The following SLX4IP variants were observed in gnomAD, a reference collection of about 807,000 sequenced individuals.
The protein encoded by SLX4IP is SLX4 interacting protein.
A neutral mutation model predicts 32.9 loss-of-function variants in SLX4IP; 34 were observed. The ratio of observed to expected loss-of-function variants is 1.03; its 90% CI spans 0.79 to 1.38. The LOEUF is 1.38. SLX4IP is among the 40% of genes most tolerant of loss of function. SLX4IP has a pLI of 0.00. For missense variants in SLX4IP, 444 were observed against 479.0 expected (o/e 0.93, Z 0.68); for synonymous variants, 172 against 171.7 (o/e 1.00, Z -0.01).
intron 4 of SLX4IP, among the ~76,000 whole-genome samples, chr20:10,566,436 G>A (rs183886097): frequency 3.9e-5 from 6 of 152,052 alleles, no homozygotes; most frequent in Middle Eastern, 3.4e-3. Context: ...CTTTCAGCCC[G>A]ATTCATTGTT....
rs1255728874 is a variant in SLX4IP, at chr20:10,544,285, T to C, written c.28-11946T>C. Among the ~76,000 whole-genome samples, 4 of 152,296 alleles carry C rather than the reference T, an allele frequency of 2.6e-5. No homozygotes were observed. In the Middle Eastern group the frequency reaches 0.014, roughly 518 times the overall value. On this transcript the variant is annotated intron_variant, in intron 2 of 7. Coordinates refer to ENST00000334534, the MANE Select transcript of SLX4IP (RefSeq NM_001009608.3). ...TCTTTTTCCCTTTGGATTTTCATCATCTTTATCATCCTAATTCAGAGGTGA... is the reference window on the plus strand; with the variant it reads ...TCTTTTTCCCTTTGGATTTTCATCACCTTTATCATCCTAATTCAGAGGTGA...
At chr20:10,497,914 G>A (rs1364074574) in intron 2 of SLX4IP, among the ~76,000 whole-genome samples, 1 of 151,536 alleles carries the variant, frequency 6.6e-6, no homozygotes, top group African/African-American at 2.4e-5. Flanking sequence ...TCTAAAAAAT[G>A]GCCTCTTCTC....
At chr20:10,567,015 G>A (rs1299890234) in intron 4 of SLX4IP, among the ~76,000 whole-genome samples, 1 of 152,208 alleles carries the variant, frequency 6.6e-6, no homozygotes, top group Non-Finnish European at 1.5e-5. Context: ...AGAGTTGGTG[G>A]CAAGGCTCAG....
chr20:10,545,303 A>G lies in SLX4IP; in HGVS notation c.28-10928A>G, dbSNP rs146036135. Among the ~76,000 whole-genome samples the G allele has an allele frequency of 2.7e-3, 411 of 152,270 alleles. 1 individual carries two copies. Among genetic ancestry groups the G allele is most frequent in the African/African-American group, 9.4e-3 (389 of 41,538 alleles). ...AGGTTCTGGTAACCCTGAGCCCTGA[A>G]ATAGTAGAAACTCCTCATTCTGAGG... On this transcript the variant is annotated intron_variant, in intron 2 of 7. Coordinates refer to ENST00000334534, the MANE Select transcript of SLX4IP (RefSeq NM_001009608.3).
At chr20:10,503,729 C>T (rs972029392) in intron 2 of SLX4IP, among the ~76,000 whole-genome samples, 12 of 152,150 alleles carry the variant, frequency 7.9e-5, no homozygotes, top group Non-Finnish European at 1.5e-5. Flanking sequence ...CAGGGCCATG[C>T]TTTCTCTCTG....
intron 2 of SLX4IP, among the ~76,000 whole-genome samples, chr20:10,503,547 A>G (rs913589867): frequency 6.6e-6 from 1 of 152,238 alleles, no homozygotes; most frequent in Non-Finnish European, 1.5e-5. Flanking sequence ...GAAAGGCATC[A>G]TCTCTGTTCA....
chr20:10,606,476 T>G (rs904521787), intron 6 of SLX4IP, among the ~76,000 whole-genome samples: 2 of 152,220 alleles, frequency 1.3e-5, no homozygotes, highest in Non-Finnish European at 2.9e-5. Context: ...AAATTTATTT[T>G]TCTTATTTCT....
rs967358891 is a variant in SLX4IP at position 10,614,107 on chromosome 20, C to A, written c.406-7207C>A. ...CGGTCCAGGTGTACCTGCAGGGACA[C>A]CTTGTGGTAGCCTCGTCGGACCTCG... On this transcript the variant is annotated intron_variant, in intron 6 of 7. Transcript: ENST00000334534. 4.6e-5 allele frequency: 71 copies of A among 1,528,124 alleles called. No homozygotes were observed. In the African/African-American group the frequency reaches 8.5e-4, roughly 18 times the overall value. The allele number at this position is 1,528,124 out of a possible 1,614,324, so 94.7% of individuals were successfully genotyped here.
At chr20:10,572,327 G>GT (rs1003683081) in intron 4 of SLX4IP, among the ~76,000 whole-genome samples, 3 of 152,088 alleles carry the variant, frequency 2.0e-5, no homozygotes, top group Non-Finnish European at 4.4e-5. Flanking sequence ...TGTTTATGTG[G>GT]TTTTTTTAAA....
At chr20:10,521,679 C>T (rs1429550068) in intron 2 of SLX4IP, among the ~76,000 whole-genome samples, 2 of 152,180 alleles carry the variant, frequency 1.3e-5, no homozygotes, top group African/African-American at 4.8e-5. Flanking sequence ...CACCAGGAAA[C>T]CAAGAAGGCC....
At chr20:10,528,527 G>A (rs1463433065) in intron 2 of SLX4IP, among the ~76,000 whole-genome samples, 1 of 152,132 alleles carries the variant, frequency 6.6e-6, no homozygotes, top group South Asian at 2.1e-4. Context: ...AAAGGCTTGT[G>A]GAAGTTAAGC....
chr20:10,587,237 C>T (rs965930011), intron 4 of SLX4IP, among the ~76,000 whole-genome samples: 5 of 151,502 alleles, frequency 3.3e-5, no homozygotes, highest in Non-Finnish European at 7.4e-5. Flanking sequence ...GTAATATTTA[C>T]AACATTAATA....
chr20:10,573,054 G>A (rs960969947), intron 4 of SLX4IP, among the ~76,000 whole-genome samples: 1 of 152,170 alleles, frequency 6.6e-6, no homozygotes, highest in Non-Finnish European at 1.5e-5. Context: ...AACACCCGAT[G>A]CATGATACCT....
chr20:10,553,031 A>T (rs973199025), intron 2 of SLX4IP, among the ~76,000 whole-genome samples: 10 of 152,142 alleles, frequency 6.6e-5, no homozygotes, highest in African/African-American at 2.4e-4. Flanking sequence ...AATCCTTGGA[A>T]CTTCAATGGG....
Position 10,623,201 on chromosome 20 carries a change from T to C in SLX4IP, c.1049T>C (p.Leu350Ser). ...CCAGGGTTACTTTTGAAACAAGATT[T>C]GGCAAAAACCACGTCTAAGGAAGAG... ...SDPGLLLKQD[L>S]AKTTSKEELH... Residue 350 changes from leucine to serine, a missense_variant, in exon 8 of 8, where the codon TTG (leucine) becomes TCG (serine). Leu to Ser is a moderately radical substitution (Grantham distance 145). Coordinates refer to ENST00000334534, the MANE Select transcript of SLX4IP (RefSeq NM_001009608.3). 2 of 1,614,218 alleles carry C rather than the reference T, an allele frequency of 1.2e-6. No homozygotes were observed. The highest frequency in any genetic ancestry group is 2.2e-5 in the South Asian group (2 of 91,090).
At chr20:10,495,004 C>A (rs889783292) in intron 2 of SLX4IP, among the ~76,000 whole-genome samples, 16 of 152,076 alleles carry the variant, frequency 1.1e-4, no homozygotes, top group African/African-American at 3.9e-4. Context: ...CAAAAAAAGA[C>A]AAGTGAGATG....
Position 10,472,891 on chromosome 20 carries a change from A to C in SLX4IP, c.27+14660A>C, listed in dbSNP as rs73262005. Among the ~76,000 whole-genome samples, 1,141 of 152,300 alleles carry C rather than the reference A, an allele frequency of 7.5e-3. 22 individuals carry two copies. Among genetic ancestry groups the C allele is most frequent in the African/African-American group, 0.025 (1,038 of 41,556 alleles). ...TTTTTGTTTTGTTTTGTTTCATTCA[A>C]GTATAAAAATGTTTAGGTGTTTAAT... On this transcript the variant is annotated intron_variant, in intron 2 of 7. Transcript: ENST00000334534.
At chr20:10,538,344 C>T (rs374700506) in intron 2 of SLX4IP, among the ~76,000 whole-genome samples, 18 of 152,176 alleles carry the variant, frequency 1.2e-4, no homozygotes, top group African/African-American at 4.1e-4. Context: ...TGATGCCTTG[C>T]GGTGGGAGCT....
At chr20:10,502,696 A>G (rs1476138876) in intron 2 of SLX4IP, among the ~76,000 whole-genome samples, 3 of 151,730 alleles carry the variant, frequency 2.0e-5, no homozygotes, top group Admixed American at 1.3e-4. Flanking sequence ...CCCCTCCCCA[A>G]AATTTTCTGT....
Sources: gnomAD v4.1 joint callset for allele counts (sites outside exome capture counted in the v4.1 genomes callset) on GRCh38, gnomAD v4.1.1 for gene constraint, MANE v1.5 for transcripts, NCBI Gene and HGNC (gene_info 2026-07-23, HGNC 2026-07-21) for gene names.